NLGN1: variants seen among roughly 807,000 people sequenced by gnomAD.
The protein encoded by NLGN1 is neuroligin 1.
Under a neutral mutation model 65.5 loss-of-function variants are expected in NLGN1, and 12 were observed. The observed-to-expected ratio is 0.18, with a 90% CI of 0.12 to 0.30. The LOEUF (loss-of-function observed/expected upper bound fraction) is 0.30. Ranked by LOEUF, NLGN1 falls within the 10% of genes least tolerant of loss-of-function variation. The pLI is 1.00. For synonymous variants in NLGN1, 350 were observed against 359.5 expected (o/e 0.97, Z 0.30); for missense variants, 750 against 1,007.1 (o/e 0.74, Z 3.46).
chr3:173,472,557 G>A (rs1725484044), intron 2 of NLGN1, among the ~76,000 whole-genome samples: 1 of 151,888 alleles, frequency 6.6e-6, no homozygotes, highest in Non-Finnish European at 1.5e-5. Context: ...GAAACTCTCA[G>A]TATCTAGTAT....
At chr3:173,520,752 A>G (rs1734617871) in intron 2 of NLGN1, among the ~76,000 whole-genome samples, 2 of 152,232 alleles carry the variant, frequency 1.3e-5, no homozygotes, top group African/African-American at 4.8e-5. Context: ...AGGAACAAAC[A>G]AACAGAAGAG....
At chr3:173,943,990 T>A (rs1158518124) in intron 4 of NLGN1, among the ~76,000 whole-genome samples, 2 of 152,218 alleles carry the variant, frequency 1.3e-5, no homozygotes, top group Non-Finnish European at 2.9e-5. Context: ...ATGCAGATAA[T>A]GAGTGACTAT....
intron 4 of NLGN1, among the ~76,000 whole-genome samples, chr3:173,881,836 C>T (rs1352720089): frequency 6.6e-6 from 1 of 152,132 alleles, no homozygotes; most frequent in Non-Finnish European, 1.5e-5. Flanking sequence ...GATGTTTTGA[C>T]CTCCTCCCAT....
chr3:173,811,255 A>C (rs1358030069), intron 4 of NLGN1, among the ~76,000 whole-genome samples: 1 of 152,122 alleles, frequency 6.6e-6, no homozygotes, highest in East Asian at 1.9e-4. Context: ...TATGGTTTAT[A>C]ATCATCTTAG....
chr3:174,047,011 C>T (rs917614272), intron 4 of NLGN1, among the ~76,000 whole-genome samples: 2 of 151,806 alleles, frequency 1.3e-5, no homozygotes, highest in Admixed American at 6.6e-5. Context: ...GGTAAGATTT[C>T]TAAAGTTTTA....
intron 4 of NLGN1, among the ~76,000 whole-genome samples, chr3:174,194,039 T>C (rs925593965): frequency 6.6e-6 from 1 of 152,278 alleles, no homozygotes; most frequent in South Asian, 2.1e-4. Flanking sequence ...TTTCATTCAC[T>C]AGATGACCAT....
At chr3:173,648,098 A>G (rs1386823631) in intron 3 of NLGN1, among the ~76,000 whole-genome samples, 1 of 152,160 alleles carries the variant, frequency 6.6e-6, no homozygotes, top group Non-Finnish European at 1.5e-5. Context: ...TTTTAAAACA[A>G]CACTGAAAAA....
At chr3:173,536,964 A>G (rs1014214493) in intron 2 of NLGN1, among the ~76,000 whole-genome samples, 2 of 152,166 alleles carry the variant, frequency 1.3e-5, no homozygotes, top group Admixed American at 6.5e-5. Context: ...TCCAAAAGCA[A>G]CAGAAGACCA....
chr3:173,618,313 C>T (rs567249745), intron 3 of NLGN1, among the ~76,000 whole-genome samples: 1 of 152,180 alleles, frequency 6.6e-6, no homozygotes, highest in East Asian at 1.9e-4. Context: ...CCTCCTGCCT[C>T]AGCATCTTGG....
intron 4 of NLGN1, among the ~76,000 whole-genome samples, chr3:173,834,981 G>A (rs531882950): frequency 3.2e-4 from 48 of 152,228 alleles, no homozygotes; most frequent in African/African-American, 1.1e-3. Flanking sequence ...TGCTCTGTTG[G>A]CACTGAACTT....
intron 4 of NLGN1, among the ~76,000 whole-genome samples, chr3:174,130,867 G>A (rs1215192334): frequency 6.6e-6 from 1 of 152,028 alleles, no homozygotes; most frequent in Non-Finnish European, 1.5e-5. Context: ...TCAGTTAATG[G>A]CAGAAACTAC....
At chr3:173,849,672 T>C (rs1048401569) in intron 4 of NLGN1, among the ~76,000 whole-genome samples, 1 of 152,152 alleles carries the variant, frequency 6.6e-6, no homozygotes, top group Non-Finnish European at 1.5e-5. Context: ...GGGAACATAG[T>C]GTATTATGAT....
intron 3 of NLGN1, among the ~76,000 whole-genome samples, chr3:173,663,010 T>C (rs931328673): frequency 6.6e-6 from 1 of 152,058 alleles, no homozygotes; most frequent in Admixed American, 6.6e-5. Flanking sequence ...CAGTTTATTA[T>C]GCATTTTAAA....
At chr3:174,159,634 G>GA (rs1726125691) in intron 4 of NLGN1, among the ~76,000 whole-genome samples, 1 of 151,588 alleles carries the variant, frequency 6.6e-6, no homozygotes, top group African/African-American at 2.4e-5. Flanking sequence ...ACACAGAAGA[G>GA]AAAAAACTGA....
rs1481395006 is a variant in NLGN1, at chr3:173,844,329, G to A, written c.646+36497G>A. Among the ~76,000 whole-genome samples, 4 of 152,142 alleles carry A rather than the reference G, an allele frequency of 2.6e-5. No individual in the cohort carries two copies. The East Asian group carries it at 5.8e-4, about 22-fold the overall frequency. Reference sequence around the variant, plus strand: ...TAGAGTAAGACAGAGGGGGTGTTTCGAGGAGAAACAGAGTTGAGAAAAAGT... The same window carrying A: ...TAGAGTAAGACAGAGGGGGTGTTTCAAGGAGAAACAGAGTTGAGAAAAAGT... On this transcript the variant is annotated intron_variant, in intron 4 of 6. Coordinates refer to ENST00000457714, the Ensembl canonical transcript of NLGN1.
chr3:174,134,736 G>A (rs942179359), intron 4 of NLGN1, among the ~76,000 whole-genome samples: 2 of 152,128 alleles, frequency 1.3e-5, no homozygotes, highest in African/African-American at 2.4e-5. Flanking sequence ...GGAAACTCTC[G>A]TATGCCACCA....
intron 3 of NLGN1, among the ~76,000 whole-genome samples, chr3:173,739,035 T>A: frequency 6.6e-6 from 1 of 151,942 alleles, no homozygotes; most frequent in Non-Finnish European, 1.5e-5. Context: ...GACATAAACC[T>A]TGAGTTGTCT....
intron 3 of NLGN1, among the ~76,000 whole-genome samples, chr3:173,706,231 A>G (rs543094548): frequency 1.3e-5 from 2 of 152,306 alleles, no homozygotes; most frequent in South Asian, 2.1e-4. Context: ...AAATGGAGAC[A>G]TGCTGTATTT....
chr3:174,097,674 G>A (rs1455293696), intron 4 of NLGN1, among the ~76,000 whole-genome samples: 1 of 152,090 alleles, frequency 6.6e-6, no homozygotes, highest in Non-Finnish European at 1.5e-5. Context: ...CAGCTATGAA[G>A]AAAAACATAA....
Sources: allele counts gnomAD v4.1 joint callset (sites outside exome capture counted in the v4.1 genomes callset), GRCh38; gene constraint gnomAD v4.1.1; transcripts MANE v1.5; gene names NCBI Gene and HGNC (gene_info 2026-07-23, HGNC 2026-07-21).